PPP6R3: variants seen among roughly 807,000 people sequenced by gnomAD.
PPP6R3 encodes protein phosphatase 6 regulatory subunit 3, also known as serine/threonine-protein phosphatase 6 regulatory subunit 3.
In PPP6R3, 38 loss-of-function variants were observed where a neutral mutation model predicts 110.7. The observed-to-expected ratio is 0.34, with a 90% CI of 0.26 to 0.45. The LOEUF (loss-of-function observed/expected upper bound fraction) is 0.45, where lower values mean the gene tolerates loss of function less well. PPP6R3 is among the 20% of genes least tolerant of loss of function. The probability of loss-of-function intolerance (pLI) is 1.00; values close to 1 mark genes in which losing one functional copy is unlikely to be tolerated. For missense variants in PPP6R3, 870 were observed against 1,062.4 expected, an observed-to-expected ratio of 0.82 and a Z score of 2.52; for synonymous variants, 369 against 373.5, an observed-to-expected ratio of 0.99 and a Z score of 0.14.
intron 1 of PPP6R3, among the ~76,000 whole-genome samples, chr11:68,464,462 A>G (rs1591444862): frequency 6.6e-6 from 1 of 152,114 alleles, no homozygotes; most frequent in Non-Finnish European, 1.5e-5. Context: ...TTCTCAGACA[A>G]TACTGAAATG....
Position 68,614,351 on chromosome 11 carries a change from A to C in PPP6R3, c.*1234A>C. ...AAACAGCTCAAGCAATATATTGTAT[A>C]TTGCCATATCGTCTGGTGAAAGGGT... On this transcript the variant is annotated 3_prime_UTR_variant, in exon 24 of 24. Transcript: ENST00000393800. 1 of 1,174,364 alleles carries C rather than the reference A, an allele frequency of 8.5e-7. No individual in the cohort carries two copies. The highest frequency in any genetic ancestry group is 1.1e-6 in the Non-Finnish European group (1 of 946,180). 72.7% of individuals were successfully genotyped at this position (1,174,364 alleles called of 1,614,324 possible).
At chr11:68,541,621 G>A (rs1296194197) in intron 3 of PPP6R3, among the ~76,000 whole-genome samples, 1 of 152,186 alleles carries the variant, frequency 6.6e-6, no homozygotes, top group African/African-American at 2.4e-5. Flanking sequence ...ATGAGGCCTA[G>A]TGGTAGGTGG....
intron 18 of PPP6R3, among the ~76,000 whole-genome samples, chr11:68,595,052 A>G (rs932071813): frequency 2.0e-5 from 3 of 152,196 alleles, no homozygotes; most frequent in African/African-American, 7.2e-5. Context: ...CTCTTACTAT[A>G]TAATACATTA....
intron 1 of PPP6R3, among the ~76,000 whole-genome samples, chr11:68,467,104 A>C (rs888196997): frequency 6.6e-6 from 1 of 152,246 alleles, no homozygotes; most frequent in African/African-American, 2.4e-5. Context: ...AGTAGAGGCT[A>C]TTTACTAATT....
chr11:68,569,332 A>G (rs2099493188), intron 10 of PPP6R3, among the ~76,000 whole-genome samples: 1 of 152,220 alleles, frequency 6.6e-6, no homozygotes, highest in Non-Finnish European at 1.5e-5. Flanking sequence ...TGGATGCCTG[A>G]AACCACAGCT....
At chr11:68,522,333 A>G (rs1343845167) in intron 2 of PPP6R3, among the ~76,000 whole-genome samples, 3 of 152,244 alleles carry the variant, frequency 2.0e-5, no homozygotes, top group African/African-American at 7.2e-5. Context: ...CAGGAAGTGT[A>G]TGAAGCAGCT....
intron 15 of PPP6R3, among the ~76,000 whole-genome samples, chr11:68,584,706 C>G (rs1404711296): frequency 6.6e-6 from 1 of 152,168 alleles, no homozygotes; most frequent in Non-Finnish European, 1.5e-5. Context: ...CGACAGCTCA[C>G]GTGCGTACGA....
At chr11:68,559,071 GTC>G (rs1348750707) in intron 8 of PPP6R3, among the ~76,000 whole-genome samples, 3 of 152,204 alleles carry the variant, frequency 2.0e-5, no homozygotes, top group African/African-American at 7.2e-5. Flanking sequence ...CATTCAGAAC[GTC>G]TCTCTGTCTT....
intron 1 of PPP6R3, among the ~76,000 whole-genome samples, chr11:68,466,673 C>T (rs939599431): frequency 7.9e-5 from 12 of 151,904 alleles, no homozygotes; most frequent in South Asian, 2.1e-4. Flanking sequence ...AGTGCAGTGG[C>T]GCTATCTCGG....
intron 10 of PPP6R3, among the ~76,000 whole-genome samples, chr11:68,569,523 T>TA (rs2099494176): frequency 6.6e-6 from 1 of 152,244 alleles, no homozygotes; most frequent in Non-Finnish European, 1.5e-5. Flanking sequence ...TACTGTATTA[T>TA]ACTCACCTAT....
rs113716493 is a variant in PPP6R3 at position 68,493,955 on chromosome 11, T to G, written c.-157-25546T>G. ...CTCTCTACTAAAAATACAAAAAAAT[T>G]AGCTGGGCGTGGTGGCGGGAGCCTG... On this transcript the variant is annotated intron_variant, in intron 1 of 23. Transcript: ENST00000393800. Among the ~76,000 whole-genome samples, 523 of 151,130 alleles carry G rather than the reference T, an allele frequency of 3.5e-3. 8 individuals carry two copies. Among genetic ancestry groups the G allele is most frequent in the African/African-American group, 0.012 (500 of 41,212 alleles).
At chr11:68,474,686 C>T (rs1188223323) in intron 1 of PPP6R3, among the ~76,000 whole-genome samples, 1 of 151,954 alleles carries the variant, frequency 6.6e-6, no homozygotes, top group Non-Finnish European at 1.5e-5. Context: ...ACCATTGGGG[C>T]CTAGTGTTTT....
intron 15 of PPP6R3, among the ~76,000 whole-genome samples, chr11:68,584,907 A>G (rs773320858): frequency 3.9e-5 from 6 of 152,230 alleles, no homozygotes; most frequent in Non-Finnish European, 7.3e-5. Context: ...TACACTCCAA[A>G]GCACTTCTTA....
At chr11:68,608,720 C>T (rs189125328) in intron 22 of PPP6R3, among the ~76,000 whole-genome samples, 2 of 152,302 alleles carry the variant, frequency 1.3e-5, no homozygotes, top group African/African-American at 4.8e-5. Flanking sequence ...GACAGTGGGT[C>T]TCCCCGACTT....
chr11:68,512,195 C>T (rs1182554161), intron 1 of PPP6R3, among the ~76,000 whole-genome samples: 1 of 152,180 alleles, frequency 6.6e-6, no homozygotes, highest in Non-Finnish European at 1.5e-5. Context: ...AACAAAATAT[C>T]ATAGGCTGGG....
intron 10 of PPP6R3, among the ~76,000 whole-genome samples, chr11:68,567,728 T>G (rs539358568): frequency 1.3e-3 from 204 of 152,310 alleles, no homozygotes; most frequent in African/African-American, 4.5e-3. Flanking sequence ...AGCCCATGCT[T>G]CTTCTCTGTG....
intron 17 of PPP6R3, among the ~76,000 whole-genome samples, chr11:68,590,930 G>C (rs1195456591): frequency 6.6e-6 from 1 of 152,146 alleles, no homozygotes; most frequent in Non-Finnish European, 1.5e-5. Flanking sequence ...AATAAGACCA[G>C]GGTCACTTGT....
At chr11:68,553,381 C>T (rs1445660496) in intron 6 of PPP6R3, among the ~76,000 whole-genome samples, 1 of 151,510 alleles carries the variant, frequency 6.6e-6, no homozygotes, top group African/African-American at 2.4e-5. Context: ...GCCACCTCTG[C>T]CTCCCAGGTT....
chr11:68,521,058 C>G (rs1425862508), intron 2 of PPP6R3, among the ~76,000 whole-genome samples: 6 of 152,164 alleles, frequency 3.9e-5, no homozygotes, highest in African/African-American at 1.4e-4. Flanking sequence ...AGGCGTGAGC[C>G]ACCGCGTCCG....
Sources: gnomAD v4.1 joint callset for allele counts (sites outside exome capture counted in the v4.1 genomes callset) on GRCh38, gnomAD v4.1.1 for gene constraint, MANE v1.5 for transcripts, NCBI Gene and HGNC (gene_info 2026-07-23, HGNC 2026-07-21) for gene names.